The following CRIM1 variants were observed in gnomAD, a reference collection of about 807,000 sequenced individuals.
CRIM1 encodes cysteine rich transmembrane BMP regulator 1, also known as cysteine-rich motor neuron 1 protein.
CRIM1 carries 32 observed loss-of-function variants against 116.4 expected under a neutral mutation model. That is an observed-to-expected ratio of 0.27 (90% CI 0.21 to 0.37). CRIM1 has a LOEUF of 0.37. CRIM1 is among the 10% of genes least tolerant of loss of function. The pLI is 1.00. For synonymous variants in CRIM1, 590 were observed against 509.2 expected, an observed-to-expected ratio of 1.16 and a Z score of -2.13; for missense variants, 1,331 against 1,354.8, an observed-to-expected ratio of 0.98 and a Z score of 0.28.
At chr2:36,460,071 GCCCACTGAGCTTGAAT>G (rs1677461858) in intron 4 of CRIM1, among the ~76,000 whole-genome samples, 1 of 151,964 alleles carries the variant, frequency 6.6e-6, no homozygotes, top group South Asian at 2.1e-4. Context: ...GCACTCAGGT[GCCCACTGAGCTTGAAT>G]CCATTACCTA....
intron 1 of CRIM1, among the ~76,000 whole-genome samples, chr2:36,358,120 A>G (rs1668977819): frequency 1.1e-5 from 1 of 89,746 alleles, no homozygotes; most frequent in Admixed American, 1.2e-4. Context: ...CTGCACACGT[A>G]AGACATTGGG....
chr2:36,446,465 T>C (rs1018999842), intron 4 of CRIM1, among the ~76,000 whole-genome samples: 1 of 152,254 alleles, frequency 6.6e-6, no homozygotes, highest in Admixed American at 6.5e-5. Context: ...GGTTTTCCCT[T>C]CTACCTGTGG....
chr2:36,539,594 G>A (rs1005954078), intron 14 of CRIM1, among the ~76,000 whole-genome samples: 3 of 152,114 alleles, frequency 2.0e-5, no homozygotes, highest in Non-Finnish European at 4.4e-5. Flanking sequence ...AAAGCAGAGA[G>A]ACCAACTTGG....
chr2:36,442,112 T>C (rs935154643), intron 3 of CRIM1, among the ~76,000 whole-genome samples: 2 of 152,230 alleles, frequency 1.3e-5, no homozygotes, highest in Non-Finnish European at 2.9e-5. Context: ...TTATATTATT[T>C]CTAACATCCT....
In CRIM1 at chr2:36,459,455, A is replaced by C. The variant is rs115427723; in HGVS notation, c.870-5079A>C. Among the ~76,000 whole-genome samples the C allele has an allele frequency of 9.8e-3, 1,494 of 152,240 alleles. 33 individuals are homozygous for C. Among genetic ancestry groups the C allele is most frequent in the African/African-American group, 0.034 (1,396 of 41,524 alleles). On this transcript the variant is annotated intron_variant, in intron 4 of 16. Transcript: ENST00000280527. ...GTTTATTTCAGATTATTGGTTGGGT[A>C]CCTTTATCATTTTTTTACTATTATT... is the stretch of plus-strand genomic sequence containing the variant.
At chr2:36,532,241 C>T (rs1233754788) in intron 13 of CRIM1, among the ~76,000 whole-genome samples, 3 of 152,194 alleles carry the variant, frequency 2.0e-5, no homozygotes, top group Admixed American at 6.5e-5. Flanking sequence ...TTACAGCCTA[C>T]CAGGACTACT....
At chr2:36,468,781 C>T (rs539375709) in intron 5 of CRIM1, among the ~76,000 whole-genome samples, 1 of 152,188 alleles carries the variant, frequency 6.6e-6, no homozygotes, top group Admixed American at 6.5e-5. Context: ...CATGGCCCAC[C>T]TCTCGTTCCT....
chr2:36,435,195 C>G (rs1675208111), intron 2 of CRIM1, among the ~76,000 whole-genome samples: 1 of 152,138 alleles, frequency 6.6e-6, no homozygotes, highest in Non-Finnish European at 1.5e-5. Flanking sequence ...AACAGTGACC[C>G]CAGACTCTTC....
rs1667167247 is a variant in CRIM1 at position 36,544,393 on chromosome 2, C to T, written c.2641C>T (p.Pro881Ser). The T allele has an allele frequency of 1.4e-6, 2 of 1,383,532 alleles. No homozygotes were observed. Among genetic ancestry groups the T allele is most frequent in the Admixed American group, 2.8e-5 (1 of 35,810 alleles). The allele number at this position is 1,383,532 out of a possible 1,614,324, so 85.7% of individuals were successfully genotyped here. A position where few individuals can be genotyped will look rare whatever the true frequency, so the allele number is the denominator to read the frequency against. The change falls in exon 15 of 17, where the codon CCA becomes TCA. Residue 881 changes from proline to serine, a missense_variant. This residue lies in a region of CRIM1 where 283 missense variants were observed against 242.8 expected (regional missense o/e 1.17). Transcript: ENST00000280527. ...TCTTTTAGAAATGTATGTCCCAGAA[C>T]CAACCAATATACCCATTGAGAAGAC... Reference protein sequence around the residue: ...PMCPEMYVPEPTNIPIEKTNH... With the variant: ...PMCPEMYVPESTNIPIEKTNH...
chr2:36,455,226 T>G (rs1025964957), intron 4 of CRIM1, among the ~76,000 whole-genome samples: 2 of 152,126 alleles, frequency 1.3e-5, no homozygotes, highest in African/African-American at 4.8e-5. Context: ...GTCACTGGAT[T>G]CCAAAAGATC....
chr2:36,468,742 C>G (rs530285686), intron 5 of CRIM1, among the ~76,000 whole-genome samples: 19 of 152,334 alleles, frequency 1.2e-4, no homozygotes, highest in African/African-American at 4.1e-4. Context: ...ATGCTCTCCA[C>G]TTAACACAGT....
intron 4 of CRIM1, among the ~76,000 whole-genome samples, chr2:36,447,269 T>C (rs771919114): frequency 6.6e-6 from 1 of 152,180 alleles, no homozygotes; most frequent in Admixed American, 6.5e-5. Context: ...CCTGTGCTCT[T>C]TCCACTGGAG....
At chr2:36,442,974 C>G (rs1029492054) in intron 4 of CRIM1, among the ~76,000 whole-genome samples, 2 of 152,122 alleles carry the variant, frequency 1.3e-5, no homozygotes, top group African/African-American at 4.8e-5. Context: ...GGTGCCTGTA[C>G]ACTTTTGAGG....
chr2:36,410,881 T>C (rs994493913), intron 2 of CRIM1, among the ~76,000 whole-genome samples: 6 of 152,166 alleles, frequency 3.9e-5, no homozygotes, highest in Non-Finnish European at 7.4e-5. Context: ...CAAGTATCCT[T>C]GAAGCCACAT....
intron 7 of CRIM1, among the ~76,000 whole-genome samples, chr2:36,491,660 A>G (rs1442245810): frequency 6.6e-6 from 1 of 152,182 alleles, no homozygotes; most frequent in Non-Finnish European, 1.5e-5. Context: ...CTGAGGTTAT[A>G]AACAATGAAT....
chr2:36,388,016 CTG>C (rs1269478697), intron 1 of CRIM1, among the ~76,000 whole-genome samples: 1 of 150,872 alleles, frequency 6.6e-6, no homozygotes, highest in Non-Finnish European at 1.5e-5. Flanking sequence ...ACTGTCTTAA[CTG>C]TGTCCCCATC....
Position 36,356,787 on chromosome 2 carries a change from C to T in CRIM1, c.331+164C>T, listed in dbSNP as rs992898677. Among the ~76,000 whole-genome samples, 1 of 152,224 alleles carries T rather than the reference C, an allele frequency of 6.6e-6. No homozygotes were observed. Among genetic ancestry groups the T allele is most frequent in the Admixed American group, 6.5e-5 (1 of 15,294 alleles). ...AGAGTGCCCCCGCGGCCCTGCGTTC[C>T]CTCTCCTTGTTCCCCCCGACGCTTA... On this transcript the variant is annotated intron_variant, in intron 1 of 16. Coordinates refer to ENST00000280527, the MANE Select transcript of CRIM1 (RefSeq NM_016441.3). This position sits in a 1 kb window ranked among gnomAD's most constrained non-coding sequence, Gnocchi z 4.3.
At chr2:36,365,380 G>C (rs150282943) in intron 1 of CRIM1, among the ~76,000 whole-genome samples, 1,677 of 152,294 alleles carry the variant, frequency 0.011, 20 homozygotes, top group South Asian at 0.021. Context: ...GGAGACGTTG[G>C]AGACCCCAAG....
rs1553339270 is a variant in CRIM1, at chr2:36,550,071, G to GCGCGCGCA, written c.*1373_*1374insGCGCACGC. On this transcript the variant is annotated 3_prime_UTR_variant, in exon 17 of 17. Transcript: ENST00000280527. ...TGTGTGTGTGTGTGTGTGTGTGCGCGCGCACGCACGCCTTGAGCAGTCAGC... is the reference window on the plus strand; with the variant it reads ...TGTGTGTGTGTGTGTGTGTGTGCGCGCGCGCGCACGCACGCACGCCTTGAGCAGTCAGC... The GCGCGCGCA allele has an allele frequency of 1.3e-5, 2 of 152,226 alleles. No individual in the cohort carries two copies. The highest frequency in any genetic ancestry group is 4.8e-5 in the African/African-American group (2 of 41,314). The allele number at this position is 152,226 out of a possible 1,614,324, so 9.4% of individuals were successfully genotyped here. A position where few individuals can be genotyped will look rare whatever the true frequency, so the allele number is the denominator to read the frequency against.
Sources: allele counts gnomAD v4.1 joint callset (sites outside exome capture counted in the v4.1 genomes callset), GRCh38; gene constraint gnomAD v4.1.1; regional missense constraint gnomAD v4.1.1; non-coding constraint Gnocchi (gnomAD v3.1); transcripts MANE v1.5; gene names NCBI Gene and HGNC (gene_info 2026-07-23, HGNC 2026-07-21).